RGL1: variants seen among roughly 807,000 people sequenced by gnomAD.
RGL1 encodes the protein ral guanine nucleotide dissociation stimulator-like 1.
A neutral mutation model predicts 95.2 loss-of-function variants in RGL1; 24 were observed. That is an observed-to-expected ratio of 0.25 (90% CI 0.18 to 0.35). RGL1 has a LOEUF of 0.35. RGL1 is among the 10% of genes least tolerant of loss of function. The pLI is 1.00. For missense variants in RGL1, 715 were observed against 936.3 expected (o/e 0.76, Z 3.08); for synonymous variants, 329 against 344.9 (o/e 0.95, Z 0.51).
At chr1:183,771,729 C>A (rs984927675) in intron 2 of RGL1, among the ~76,000 whole-genome samples, 2 of 152,168 alleles carry the variant, frequency 1.3e-5, no homozygotes, top group African/African-American at 4.8e-5. Context: ...TAGGGCTCCA[C>A]CCCCACGGAC....
intron 2 of RGL1, among the ~76,000 whole-genome samples, chr1:183,785,886 A>G (rs572503186): frequency 2.0e-5 from 3 of 152,186 alleles, no homozygotes; most frequent in African/African-American, 7.2e-5. Flanking sequence ...GGAGTTTGAG[A>G]CCAGCCTGGG....
At chr1:183,688,079 T>C (rs1046305140) in intron 1 of RGL1, among the ~76,000 whole-genome samples, 2 of 152,190 alleles carry the variant, frequency 1.3e-5, no homozygotes, top group Non-Finnish European at 2.9e-5. Flanking sequence ...TGGTTTAGGA[T>C]GATCACATGA....
chr1:183,715,658 A>C (rs573156759), intron 1 of RGL1, among the ~76,000 whole-genome samples: 1 of 151,368 alleles, frequency 6.6e-6, no homozygotes, highest in African/African-American at 2.4e-5. Context: ...AAACCAAACT[A>C]TTATCTTCAG....
In RGL1 at chr1:183,839,256, C is replaced by CT. The variant is rs373425504; in HGVS notation, c.139-8309dup. On this transcript the variant is annotated intron_variant, in intron 2 of 17. Coordinates refer to ENST00000360851, the MANE Select transcript of RGL1 (RefSeq NM_001297671.3). Reference sequence around the variant, plus strand: ...AGACCCTTCTCCCAACTTTTAGATTCTAACTGCCTGTTGGACTTACCATTG... The same window carrying CT: ...AGACCCTTCTCCCAACTTTTAGATTCTTAACTGCCTGTTGGACTTACCATTG... 1.6e-3 allele frequency among the ~76,000 whole-genome samples: 240 copies of CT among 152,286 alleles called. 1 individual carries two copies. The highest frequency in any genetic ancestry group is 5.5e-3 in the African/African-American group (228 of 41,576).
chr1:183,703,494 C>A (rs1654723384), intron 1 of RGL1, among the ~76,000 whole-genome samples: 1 of 152,110 alleles, frequency 6.6e-6, no homozygotes, highest in South Asian at 2.1e-4. Context: ...AGAGAACCAC[C>A]CTCCTAGAAT....
At chr1:183,734,183 A>G (rs1656796764) in intron 1 of RGL1, among the ~76,000 whole-genome samples, 1 of 152,212 alleles carries the variant, frequency 6.6e-6, no homozygotes, top group Non-Finnish European at 1.5e-5. Flanking sequence ...TGAATCTAAC[A>G]TTTCTAGATC....
intron 2 of RGL1, among the ~76,000 whole-genome samples, chr1:183,755,551 T>C (rs1658274411): frequency 6.6e-6 from 1 of 152,114 alleles, no homozygotes; most frequent in African/African-American, 2.4e-5. Context: ...AATGGGAGAA[T>C]TGGACATGTT....
intron 1 of RGL1, among the ~76,000 whole-genome samples, chr1:183,661,863 TG>T (rs1195638139): frequency 3.3e-5 from 5 of 150,454 alleles, no homozygotes; most frequent in African/African-American, 1.2e-4. Flanking sequence ...TTATCCACCA[TG>T]ATCAAGTGGG....
intron 1 of RGL1, among the ~76,000 whole-genome samples, chr1:183,719,379 C>T (rs1192709062): frequency 6.6e-6 from 1 of 152,194 alleles, no homozygotes; most frequent in Non-Finnish European, 1.5e-5. Context: ...GATTTTCCTT[C>T]TCTCCCTGTG....
At chr1:183,742,985 C>G (rs1329592983) in intron 2 of RGL1, among the ~76,000 whole-genome samples, 1 of 152,014 alleles carries the variant, frequency 6.6e-6, no homozygotes, top group Admixed American at 6.6e-5. Flanking sequence ...TTCAGCTCAG[C>G]AAATAAAATT....
Position 183,880,741 on chromosome 1 carries a change from C to T in RGL1, c.551C>T (p.Pro184Leu), listed in dbSNP as rs1263313642. 3.7e-6 allele frequency: 6 copies of T among 1,613,784 alleles called. No homozygotes were observed. The highest frequency in any genetic ancestry group is 2.2e-5 in the East Asian group (1 of 44,882). ...YLTRMMPGSD[P>L]ERRAQNLLEQ... is the part of the protein sequence containing the mutation. ...ACACGGATGATGCCGGGCTCTGACC[C>T]AGAAAGAAGAGCACAAAATCTTCTT... The change falls in exon 5 of 18, where the codon CCA becomes CTA. Residue 184 changes from proline (P) to leucine (L), a missense_variant. Pro to Leu is a moderately conservative substitution (Grantham distance 98, BLOSUM62 -3). Around this residue, in one of 3 missense-constraint regions of RGL1, gnomAD observed 381 missense variants for 484.8 expected, o/e 0.79. Coordinates refer to ENST00000360851, the MANE Select transcript of RGL1 (RefSeq NM_001297671.3).
intron 14 of RGL1, among the ~76,000 whole-genome samples, chr1:183,911,715 C>G (rs1461291765): frequency 6.6e-6 from 1 of 152,202 alleles, no homozygotes; most frequent in African/African-American, 2.4e-5. Flanking sequence ...TTACCCAAAG[C>G]AGTGCCATCC....
chr1:183,690,283 T>C (rs1305392772), intron 1 of RGL1, among the ~76,000 whole-genome samples: 2 of 152,224 alleles, frequency 1.3e-5, no homozygotes, highest in East Asian at 3.8e-4. Flanking sequence ...GTTGTATGTA[T>C]GTTTATATGA....
At chr1:183,884,572 G>A in intron 6 of RGL1, 151 bp from the exon 7 acceptor site, 1 of 644,832 alleles carries the variant, frequency 1.6e-6, no homozygotes, top group Non-Finnish European at 2.7e-6. Context: ...ATTTACTTTT[G>A]TCTGTTGAAA....
At chr1:183,743,376 A>T (rs1421267010) in intron 2 of RGL1, among the ~76,000 whole-genome samples, 1 of 152,206 alleles carries the variant, frequency 6.6e-6, no homozygotes, top group African/African-American at 2.4e-5. Flanking sequence ...CAAAGCAACA[A>T]CTAAGATAGC....
intron 1 of RGL1, among the ~76,000 whole-genome samples, chr1:183,727,105 C>A (rs56402527): frequency 0.44 from 67,531 of 151,874 alleles, 16,300 homozygotes; most frequent in East Asian, 0.76. Context: ...GACCAACAAT[C>A]TTCAACAAAA....
intron 1 of RGL1, among the ~76,000 whole-genome samples, chr1:183,725,456 C>G (rs1311535319): frequency 6.6e-6 from 1 of 151,930 alleles, no homozygotes; most frequent in Non-Finnish European, 1.5e-5. Context: ...TTTTAAAAAC[C>G]CAATTATGTG....
Position 183,892,026 on chromosome 1 carries a change from G to A in RGL1, c.1056-51G>A, listed in dbSNP as rs368394733. ...TGAGGACAGCTGGGCCAAAAGTGTC[G>A]GGTTATTCCTAACTCTTCATTGTTA... On this transcript the variant is annotated intron_variant, in intron 8 of 17. Coordinates refer to ENST00000360851, the MANE Select transcript of RGL1 (RefSeq NM_001297671.3). 1.1e-4 allele frequency: 156 copies of A among 1,435,172 alleles called. 1 individual carries two copies. In the African/African-American group the frequency reaches 1.8e-3, roughly 16 times the overall value. The allele number at this position is 1,435,172 out of a possible 1,614,324, so 88.9% of individuals were successfully genotyped here.
chr1:183,794,213 C>G (rs963986528), intron 2 of RGL1, among the ~76,000 whole-genome samples: 1 of 152,032 alleles, frequency 6.6e-6, no homozygotes, highest in African/African-American at 2.4e-5. Flanking sequence ...TGCATGTTCT[C>G]ACTCATGTGG....
Sources: gnomAD v4.1 joint callset for allele counts (sites outside exome capture counted in the v4.1 genomes callset) on GRCh38, gnomAD v4.1.1 for gene constraint, gnomAD v4.1.1 regional missense constraint, MANE v1.5 for transcripts, NCBI Gene and HGNC (gene_info 2026-07-23, HGNC 2026-07-21) for gene names.